ALKBH7: variants seen among roughly 807,000 people sequenced by gnomAD.
ALKBH7 encodes the protein RNA demethylase ALKBH7, mitochondrial.
ALKBH7 carries 21 observed loss-of-function variants against 19.3 expected under a neutral mutation model. The observed-to-expected ratio is 1.09, with a 90% confidence interval of 0.77 to 1.56. The LOEUF (loss-of-function observed/expected upper bound fraction) is 1.56. Ranked by LOEUF, ALKBH7 falls within the 40% of genes most tolerant of loss-of-function variation. ALKBH7 has a pLI of 0.00. For missense variants in ALKBH7, 354 were observed against 311.4 expected (o/e 1.14, Z -1.03); for synonymous variants, 147 against 139.5 (o/e 1.05, Z -0.38).
Position 6,375,150 on chromosome 19 carries a change from C to T in ALKBH7, c.*177C>T, listed in dbSNP as rs192480995. 5.7e-5 allele frequency: 74 copies of T among 1,292,638 alleles called. No homozygotes were observed. Among genetic ancestry groups the T allele is most frequent in the Non-Finnish European group, 7.1e-5 (69 of 975,476 alleles). 80.1% of individuals were successfully genotyped at this position (1,292,638 alleles called of 1,614,324 possible). A position where few individuals can be genotyped will look rare whatever the true frequency, so the allele number is the denominator to read the frequency against. ...GGACACATGGTCAAAGTCACAAGGC[C>T]GGGAGAGTGGTGTCCTTTATTGCAC... On this transcript the variant is annotated 3_prime_UTR_variant, in exon 4 of 4. Transcript: ENST00000245812.
At position 6,374,485 on chromosome 19, in the gene ALKBH7, C is replaced by T. The variant is rs35438821; in HGVS notation, c.399C>T (p.Ala133=). The change falls in exon 3 of 4, where the codon GCC becomes GCT. Residue 133 remains alanine (A), a synonymous_variant. Transcript: ENST00000245812. ...DSIKFCGATI[A]GLSLLSPSVM... ...TGCAGTTCTGCGGGGCCACCATCGC[C>T]GGCCTGTCTCTCCTGTCTCCCAGCG... is the stretch of plus-strand genomic sequence containing the variant. 4,887 of 1,613,912 alleles carry T rather than the reference C, an allele frequency of 3.0e-3. 141 individuals are homozygous for T. In the African/African-American group the frequency reaches 0.059, roughly 19 times the overall value.
Position 6,374,587 on chromosome 19 carries a change from T to C in ALKBH7, c.501T>C (p.Leu167=), listed in dbSNP as rs747658388. 1 of 1,612,730 alleles carries C rather than the reference T, an allele frequency of 6.2e-7. No homozygotes were observed. Among genetic ancestry groups the C allele is most frequent in the African/African-American group, 1.3e-5 (1 of 74,820 alleles). ...LLLEPGSLYI[L]RGSARYDFSH... ...TGGAGCCGGGCTCCCTCTACATCCT[T>C]AGGTACCTCCATCCAGGCAGCACCC... Residue 167 remains leucine, a splice_region_variant and synonymous_variant, in exon 3 of 4, where the codon CTT becomes CTC. Coordinates refer to ENST00000245812, the MANE Select transcript of ALKBH7 (RefSeq NM_032306.4).
chr19:6,373,755 A>G (rs1599202043), intron 1 of ALKBH7: 2 of 1,090,712 alleles, frequency 1.8e-6, no homozygotes, highest in Non-Finnish European at 2.2e-6. Flanking sequence ...TAGCTATTGC[A>G]GGGATTTGGG....
chr19:6,374,651 T>G, intron 3 of ALKBH7, 62 bp downstream of exon 3: 2 of 1,609,726 alleles, frequency 1.2e-6, no homozygotes, highest in Non-Finnish European at 8.5e-7. Flanking sequence ...CCCTGTGCCC[T>G]GGGTACTTTC....
chr19:6,375,152 G>A lies in ALKBH7; in HGVS notation c.*179G>A. On this transcript the variant is annotated 3_prime_UTR_variant, in exon 4 of 4. Coordinates refer to ENST00000245812, the MANE Select transcript of ALKBH7 (RefSeq NM_032306.4). ...ACACATGGTCAAAGTCACAAGGCCG[G>A]GAGAGTGGTGTCCTTTATTGCACTC... 1 of 1,289,916 alleles carries A rather than the reference G, an allele frequency of 7.8e-7. No homozygotes were observed. The highest frequency in any genetic ancestry group is 1.0e-6 in the Non-Finnish European group (1 of 972,912). The allele number at this position is 1,289,916 out of a possible 1,614,324, so 79.9% of individuals were successfully genotyped here.
rs996926314 is a variant in ALKBH7, at chr19:6,374,219, G to A, written c.221G>A (p.Arg74Gln). Residue 74 changes from arginine to glutamine, a missense_variant, in exon 2 of 4, where the codon CGA becomes CAA. Physicochemically the swap from Arg to Gln is conservative, Grantham distance 43. Coordinates refer to ENST00000245812, the MANE Select transcript of ALKBH7 (RefSeq NM_032306.4). ...DHWDAAIHGF[R>Q]ETEKSRWSEA... ...TCTGTGCAGGCCATCCACGGCTTCC[G>A]AGAGACAGAGAAGTCGCGCTGGTCA... 3.1e-6 allele frequency: 5 copies of A among 1,613,070 alleles called. No individual in the cohort carries two copies. In the Middle Eastern group the frequency reaches 5.0e-4, roughly 160 times the overall value.
At position 6,372,960 on chromosome 19, in the gene ALKBH7, C is replaced by T. The variant is rs374381401; in HGVS notation, c.140C>T (p.Thr47Met). Residue 47 changes from threonine to methionine, a missense_variant, in exon 1 of 4, where the codon ACG (threonine) becomes ATG (methionine). By Grantham distance (81) the Thr-to-Met change is moderately conservative. Transcript: ENST00000245812. ...TTCCTGAGCACGGCAGAGGAGGAGA[C>T]GCTGAGCCGAGAACTGGAGCCCGAG... ...PGFLSTAEEE[T>M]LSRELEPELR... 4 of 1,575,214 alleles carry T rather than the reference C, an allele frequency of 2.5e-6. No individual in the cohort carries two copies. The African/African-American group carries it at 4.1e-5, about 16-fold the overall frequency.
rs1044722766 is a variant in ALKBH7 at position 6,374,974 on chromosome 19, C to T, written c.*1C>T. Reference sequence around the variant, plus strand: ...TGGACAGCCGCCCCCAGCCTGCTGACCCCCAGCTTTCTACAGACACCAGAT... The same window carrying T: ...TGGACAGCCGCCCCCAGCCTGCTGATCCCCAGCTTTCTACAGACACCAGAT... On this transcript the variant is annotated 3_prime_UTR_variant, in exon 4 of 4. Coordinates refer to ENST00000245812, the MANE Select transcript of ALKBH7 (RefSeq NM_032306.4). 1.9e-6 allele frequency: 3 copies of T among 1,589,382 alleles called. No homozygotes were observed. Among genetic ancestry groups the T allele is most frequent in the African/African-American group, 2.7e-5 (2 of 74,434 alleles).
chr19:6,373,940 G>C, intron 1 of ALKBH7: 4 of 985,214 alleles, frequency 4.1e-6, no homozygotes, highest in Non-Finnish European at 4.8e-6. Flanking sequence ...ACTTGGGTGG[G>C]GTCAAGTTGT....
At chr19:6,374,659 T>G (rs2091912135) in intron 3 of ALKBH7, 70 bp downstream of exon 3, 3 of 1,608,812 alleles carry the variant, frequency 1.9e-6, no homozygotes, top group Non-Finnish European at 1.7e-6. Context: ...CCTGGGTACT[T>G]TCCCTCAATC....
At chr19:6,374,152 T>G (rs748536066) in intron 1 of ALKBH7, 51 bp from the exon 2 acceptor site, 1 of 1,589,152 alleles carries the variant, frequency 6.3e-7, no homozygotes, top group Admixed American at 1.9e-5. Flanking sequence ...CTTGCCTCAG[T>G]TTCCTTGTTC....
At position 6,372,804 on chromosome 19, in the gene ALKBH7, G is replaced by C. The variant is rs1043598865; in HGVS notation, c.-17G>C. On this transcript the variant is annotated 5_prime_UTR_variant, in exon 1 of 4. It removes an upstream start codon present in the reference 5' UTR. Transcript: ENST00000245812. ...GTTCCCCAACCCTGCCCTCTCTCATGACCCCGCTCCGGGATTATGGCCGGG... is the reference window on the plus strand; with the variant it reads ...GTTCCCCAACCCTGCCCTCTCTCATCACCCCGCTCCGGGATTATGGCCGGG... 3.5e-5 allele frequency: 54 copies of C among 1,536,558 alleles called. No individual in the cohort carries two copies. Among genetic ancestry groups the C allele is most frequent in the Non-Finnish European group, 4.4e-5 (50 of 1,147,044 alleles).
intron 3 of ALKBH7, 95 bp from the exon 4 acceptor site, chr19:6,374,716 A>T: frequency 6.3e-7 from 1 of 1,597,006 alleles, no homozygotes; most frequent in South Asian, 1.1e-5. Context: ...TGTGGGAGGC[A>T]GCAGGGGGCT....
chr19:6,375,037 A>T lies in ALKBH7; in HGVS notation c.*64A>T. On this transcript the variant is annotated 3_prime_UTR_variant, in exon 4 of 4. Coordinates refer to ENST00000245812, the MANE Select transcript of ALKBH7 (RefSeq NM_032306.4). ...TTGGGGAATGGACAGCCTAACTGGGACATTGCAGTGGCTGCTTGCTGGGGC... is the reference window on the plus strand; with the variant it reads ...TTGGGGAATGGACAGCCTAACTGGGTCATTGCAGTGGCTGCTTGCTGGGGC... The T allele has an allele frequency of 1.3e-6, 2 of 1,516,570 alleles. No homozygotes were observed. The highest frequency in any genetic ancestry group is 1.8e-6 in the Non-Finnish European group (2 of 1,133,918). 93.9% of individuals were successfully genotyped at this position (1,516,570 alleles called of 1,614,324 possible). A position where few individuals can be genotyped will look rare whatever the true frequency, so the allele number is the denominator to read the frequency against.
chr19:6,373,032 C>G lies in ALKBH7; in HGVS notation c.204+8C>G, dbSNP rs200205552. 1 of 1,554,918 alleles carries G rather than the reference C, an allele frequency of 6.4e-7. No homozygotes were observed. Among genetic ancestry groups the G allele is most frequent in the East Asian group, 2.4e-5 (1 of 41,460 alleles). ...TACGATCACTGGGACGCGGTGAGAC[C>G]GGCAGCGCCGGGGGCGAGGGACGGG... is the stretch of plus-strand genomic sequence containing the variant. On this transcript the variant is annotated splice_region_variant and intron_variant, in intron 1 of 3. Transcript: ENST00000245812.
At chr19:6,374,070 A>G (rs979190819) in intron 1 of ALKBH7, 133 bp from the exon 2 acceptor site, 34 of 1,525,628 alleles carry the variant, frequency 2.2e-5, no homozygotes, top group Non-Finnish European at 2.7e-5. Flanking sequence ...TTGAGGGGCT[A>G]GGGGAGTTTG....
Position 6,373,074 on chromosome 19 carries a change from G to A in ALKBH7, c.204+50G>A, listed in dbSNP as rs1336849761. On this transcript the variant is annotated intron_variant, in intron 1 of 3. Coordinates refer to ENST00000245812, the MANE Select transcript of ALKBH7 (RefSeq NM_032306.4). ...AGGGACGGGGGCTCGTCGGGGGCGC[G>A]GCCTGGGGACGTGGAGCATCAGATG... 7 of 1,521,876 alleles carry A rather than the reference G, an allele frequency of 4.6e-6. No homozygotes were observed. In the Admixed American group the frequency reaches 1.0e-4, roughly 22 times the overall value. The allele number at this position is 1,521,876 out of a possible 1,614,324, so 94.3% of individuals were successfully genotyped here.
chr19:6,374,199 G>A lies in ALKBH7; in HGVS notation c.205-4G>A, dbSNP rs112376672. ...TCCCAGGCTTAACCGAGCTCTCTGT[G>A]CAGGCCATCCACGGCTTCCGAGAGA... On this transcript the variant is annotated splice_region_variant and splice_polypyrimidine_tract_variant and intron_variant, in intron 1 of 3. Transcript: ENST00000245812. The A allele has an allele frequency of 1.9e-6, 3 of 1,612,356 alleles. No individual in the cohort carries two copies. The highest frequency in any genetic ancestry group is 1.3e-5 in the African/African-American group (1 of 74,802).
intron 1 of ALKBH7, chr19:6,373,811 G>A (rs938338218): frequency 1.2e-5 from 15 of 1,292,932 alleles, no homozygotes; most frequent in Non-Finnish European, 1.5e-5. Flanking sequence ...GCTGTGGGAG[G>A]GGCGGGACCT....
Sources: allele counts gnomAD v4.1 joint callset, GRCh38; gene constraint gnomAD v4.1.1; transcripts MANE v1.5; gene names NCBI Gene and HGNC (gene_info 2026-07-23, HGNC 2026-07-21).